The following SH3RF2 variants were observed in gnomAD, a reference collection of about 807,000 sequenced individuals.
The protein encoded by SH3RF2 is E3 ubiquitin-protein ligase SH3RF2.
In SH3RF2, 43 loss-of-function variants were observed where a neutral mutation model predicts 59.0. That is an observed-to-expected ratio of 0.73 (90% CI 0.57 to 0.94). The LOEUF (loss-of-function observed/expected upper bound fraction) is 0.94. Among genes scored for constraint, SH3RF2 ranks in the 40% least tolerant of loss-of-function variants. The pLI is 0.00. For synonymous variants in SH3RF2, 391 were observed against 391.5 expected (o/e 1.00, Z 0.01); for missense variants, 930 against 940.1 (o/e 0.99, Z 0.14).
intron 5 of SH3RF2, among the ~76,000 whole-genome samples, chr5:146,042,751 A>G (rs771335084): frequency 1.1e-4 from 16 of 152,332 alleles, no homozygotes; most frequent in African/African-American, 2.4e-4. Flanking sequence ...CAGAAGCCAT[A>G]TAACTGTGGA....
chr5:146,063,868 A>T, downstream of SH3RF2, among the ~76,000 whole-genome samples: 1 of 150,660 alleles, frequency 6.6e-6, no homozygotes, highest in East Asian at 1.9e-4. Context: ...TAAAAAAAGA[A>T]AAAAGAAAAA....
intron 8 of SH3RF2, among the ~76,000 whole-genome samples, chr5:146,056,418 G>A (rs1762673866): frequency 6.6e-6 from 1 of 152,192 alleles, no homozygotes; most frequent in Non-Finnish European, 1.5e-5. Context: ...CTTCATACAT[G>A]CTTGTTGAAT....
intron 7 of SH3RF2, among the ~76,000 whole-genome samples, chr5:146,051,168 G>A (rs1222351872): frequency 6.6e-6 from 1 of 152,188 alleles, no homozygotes; most frequent in Non-Finnish European, 1.5e-5. Context: ...TGGGAGGGCA[G>A]AGGTTACATG....
chr5:146,050,188 CT>C (rs1039856471), intron 7 of SH3RF2: 1 of 152,204 alleles, frequency 6.6e-6, no homozygotes, highest in Admixed American at 6.5e-5. Context: ...GTTATTTAAC[CT>C]GTAGAAGACA....
At position 146,049,055 on chromosome 5, in the gene SH3RF2, A is replaced by G. The variant is rs563497572; in HGVS notation, c.1152-20A>G. On this transcript the variant is annotated intron_variant, in intron 6 of 9. Transcript: ENST00000359120. ...GGCACGTCTTCCTTCCTCCCTCACCAGTTCTCTGTGTCTTCCCAGGTTTGT... is the reference window on the plus strand; with the variant it reads ...GGCACGTCTTCCTTCCTCCCTCACCGGTTCTCTGTGTCTTCCCAGGTTTGT... 2 of 1,613,084 alleles carry G rather than the reference A, an allele frequency of 1.2e-6. No homozygotes were observed. The highest frequency in any genetic ancestry group is 2.2e-5 in the South Asian group (2 of 91,034).
At chr5:145,997,735 C>T (rs1330898493) in intron 2 of SH3RF2, 12 of 1,574,640 alleles carry the variant, frequency 7.6e-6, no homozygotes, top group East Asian at 6.7e-5. Context: ...ATTTTTGAAG[C>T]AGTTAAATCA....
chr5:145,985,676 G>A (rs529392863), intron 2 of SH3RF2, among the ~76,000 whole-genome samples: 2 of 152,232 alleles, frequency 1.3e-5, no homozygotes, highest in East Asian at 3.9e-4. Context: ...CTCTATTTCT[G>A]ATGTATTTTA....
intron 2 of SH3RF2, among the ~76,000 whole-genome samples, chr5:145,986,508 C>T (rs752607752): frequency 2.2e-4 from 34 of 152,212 alleles, no homozygotes; most frequent in Non-Finnish European, 4.0e-4. Flanking sequence ...TGAGATGGCG[C>T]TTTCCCTCAT....
chr5:145,999,221 G>A (rs186650498), intron 2 of SH3RF2, among the ~76,000 whole-genome samples: 2 of 152,116 alleles, frequency 1.3e-5, no homozygotes, highest in East Asian at 3.9e-4. Flanking sequence ...ATCTCTCTCA[G>A]CCTTCATAGA....
At position 146,062,726 on chromosome 5, in the gene SH3RF2, C is replaced by T. The variant is rs1235240162; in HGVS notation, c.*25C>T. On this transcript the variant is annotated 3_prime_UTR_variant, in exon 10 of 10. Coordinates refer to ENST00000359120, the MANE Select transcript of SH3RF2 (RefSeq NM_152550.4). ...AACCTACGGGTGGCTTTTCCTAGAC[C>T]CCAAAGAGGTGAATTGCATTTAAAT... 4 of 1,599,026 alleles carry T rather than the reference C, an allele frequency of 2.5e-6. No individual in the cohort carries two copies. The highest frequency in any genetic ancestry group is 1.3e-5 in the African/African-American group (1 of 74,602).
Position 146,044,683 on chromosome 5 carries a change from G to A in SH3RF2, c.1060-3089G>A, listed in dbSNP as rs151173340. On this transcript the variant is annotated intron_variant, in intron 5 of 9. Coordinates refer to ENST00000359120, the MANE Select transcript of SH3RF2 (RefSeq NM_152550.4). ...CTCCCTCTGTCCCTCTGCAGCTATC[G>A]TTCTCCCACAGTATCTCTGTCCCAG... Among the ~76,000 whole-genome samples the A allele has an allele frequency of 2.2e-4, 33 of 151,558 alleles. No individual in the cohort carries two copies. The East Asian group carries it at 5.4e-3, about 25-fold the overall frequency.
chr5:145,938,190 T>A lies in SH3RF2; in HGVS notation c.262T>A (p.Phe88Ile). The change falls in exon 2 of 10, where the codon TTC becomes ATC. Residue 88 changes from phenylalanine (F) to isoleucine (I), a missense_variant. By Grantham distance (21) the Phe-to-Ile change is conservative. Transcript: ENST00000359120. ...GCAGAGCTCCGGGAGAGGGGGCTCCTTCCGCAGGCCTGGCACGATGACCTT... is the reference window on the plus strand; with the variant it reads ...GCAGAGCTCCGGGAGAGGGGGCTCCATCCGCAGGCCTGGCACGATGACCTT... ...SGQSSGRGGS[F>I]RRPGTMTLQD... 6.2e-7 allele frequency: 1 copy of A among 1,613,970 alleles called. No individual in the cohort carries two copies.
chr5:146,053,389 C>A (rs1473049500), intron 7 of SH3RF2, among the ~76,000 whole-genome samples: 1 of 152,022 alleles, frequency 6.6e-6, no homozygotes, highest in African/African-American at 2.4e-5. Flanking sequence ...GCGGCAACAT[C>A]CCTTTGGGTC....
intron 5 of SH3RF2, among the ~76,000 whole-genome samples, chr5:146,016,354 A>AGATGGATG (rs68055522): frequency 0.061 from 8,752 of 143,816 alleles, 345 homozygotes; most frequent in Non-Finnish European, 0.089. Context: ...GTAGGTAAGT[A>AGATGGATG]GATGGATGGA....
chr5:145,948,532 C>T (rs182667721), intron 2 of SH3RF2, among the ~76,000 whole-genome samples: 2 of 152,334 alleles, frequency 1.3e-5, no homozygotes, highest in Non-Finnish European at 2.9e-5. Flanking sequence ...TTCCTGAAAG[C>T]CTATTAGGAA....
chr5:145,986,560 C>T (rs188895050), intron 2 of SH3RF2, among the ~76,000 whole-genome samples: 1 of 152,306 alleles, frequency 6.6e-6, no homozygotes, highest in East Asian at 1.9e-4. Flanking sequence ...TCCACAGGTG[C>T]CCTGTGCCCT....
chr5:145,959,987 G>T (rs371327429), intron 2 of SH3RF2, among the ~76,000 whole-genome samples: 43 of 152,280 alleles, frequency 2.8e-4, no homozygotes, highest in African/African-American at 9.9e-4. Flanking sequence ...TGAAAGCAAC[G>T]CTATTAAAGC....
At chr5:146,008,210 C>T (rs1296636533) in intron 4 of SH3RF2, among the ~76,000 whole-genome samples, 1 of 152,162 alleles carries the variant, frequency 6.6e-6, no homozygotes, top group Non-Finnish European at 1.5e-5. Flanking sequence ...AATATTGTTT[C>T]AAATGAGTGG....
In SH3RF2 at chr5:146,059,528, A is replaced by ACG. The variant is rs916950093; in HGVS notation, c.1556-331_1556-330dup. ...GTCTGACTGCCTCTGTGTCTGCTTC[A>ACG]CGCGCGCGTGTGTGTGTGTACGTGT... On this transcript the variant is annotated intron_variant, in intron 8 of 9. Transcript: ENST00000359120. Among the ~76,000 whole-genome samples, 12 of 151,006 alleles carry ACG rather than the reference A, an allele frequency of 7.9e-5. No individual in the cohort carries two copies. In the South Asian group the frequency reaches 1.7e-3, roughly 21 times the overall value.
Sources: allele counts gnomAD v4.1 joint callset (sites outside exome capture counted in the v4.1 genomes callset), GRCh38; gene constraint gnomAD v4.1.1; transcripts MANE v1.5; gene names NCBI Gene and HGNC (gene_info 2026-07-23, HGNC 2026-07-21).